The following PODXL2 variants were observed in gnomAD, a reference collection of about 807,000 sequenced individuals.
PODXL2 encodes podocalyxin-like protein 2.
In PODXL2, 17 loss-of-function variants were observed where a neutral mutation model predicts 53.4. The observed-to-expected ratio is 0.32, with a 90% confidence interval of 0.22 to 0.48. The LOEUF is 0.48. Ranked by LOEUF, PODXL2 falls within the 20% of genes least tolerant of loss-of-function variation. PODXL2 has a pLI of 0.99. For missense variants in PODXL2, 673 were observed against 760.0 expected, an observed-to-expected ratio of 0.89 and a Z score of 1.35; for synonymous variants, 311 against 306.7, an observed-to-expected ratio of 1.01 and a Z score of -0.15.
chr3:127,639,153 G>A, intron 1 of PODXL2, 92 bp from the exon 2 acceptor site: 1 of 1,309,798 alleles, frequency 7.6e-7, no homozygotes, highest in South Asian at 1.5e-5. Flanking sequence ...CCCTTCCCCA[G>A]GACCTTTGTC....
At position 127,646,387 on chromosome 3, in the gene PODXL2, A is replaced by AT. The variant is rs538645425; in HGVS notation, c.349+6880dup. ...GGTACTTATCACCATTTTTCCATAGATTTTTTTTTTTTTTTTAGATGAAGT... is the reference window on the plus strand; with the variant it reads ...GGTACTTATCACCATTTTTCCATAGATTTTTTTTTTTTTTTTTAGATGAAGT... On this transcript the variant is annotated intron_variant, in intron 2 of 7. Transcript: ENST00000342480. Among the ~76,000 whole-genome samples the AT allele has an allele frequency of 8.5e-3, 1,199 of 141,816 alleles. 13 individuals are homozygous for AT. Among genetic ancestry groups the AT allele is most frequent in the African/African-American group, 0.022 (861 of 38,658 alleles). The allele number at this position is 141,816 out of a possible 152,430, so 93.0% of individuals were successfully genotyped here.
chr3:127,671,459 C>G lies in PODXL2; in HGVS notation c.1451C>G (p.Thr484Ser). The G allele has an allele frequency of 6.2e-7, 1 of 1,614,106 alleles. No individual in the cohort carries two copies. The highest frequency in any genetic ancestry group is 8.5e-7 in the Non-Finnish European group (1 of 1,179,978). The change falls in exon 7 of 8, where the codon ACC (threonine) becomes AGC (serine). Residue 484 changes from threonine to serine, a missense_variant. By Grantham distance (58) the Thr-to-Ser change is moderately conservative. Coordinates refer to ENST00000342480, the MANE Select transcript of PODXL2 (RefSeq NM_015720.4). ...EEIGIQNYST[T>S]SSCQARASQV... Reference sequence around the variant, plus strand: ...ATTGGCATCCAGAACTATTCCACAACCAGCAGCTGCCAGGCGCGGGCCAGC... The same window carrying G: ...ATTGGCATCCAGAACTATTCCACAAGCAGCAGCTGCCAGGCGCGGGCCAGC...
intron 4 of PODXL2, among the ~76,000 whole-genome samples, chr3:127,664,694 G>A (rs1482820940): frequency 6.6e-6 from 1 of 151,884 alleles, no homozygotes; most frequent in African/African-American, 2.4e-5. Context: ...TGGCCATCCT[G>A]AGAGAAGTGA....
intron 2 of PODXL2, among the ~76,000 whole-genome samples, chr3:127,656,734 CAAA>C (rs71150487): frequency 3.6e-4 from 10 of 28,082 alleles, no homozygotes; most frequent in African/African-American, 9.5e-4. Flanking sequence ...GACTCCATCT[CAAA>C]AAAAAAAAAA....
At chr3:127,671,874 A>G (rs2074845444) in intron 7 of PODXL2, among the ~76,000 whole-genome samples, 1 of 152,182 alleles carries the variant, frequency 6.6e-6, no homozygotes, top group Non-Finnish European at 1.5e-5. Flanking sequence ...CGGCGCAGGC[A>G]CTGCAGGGCC....
Position 127,631,042 on chromosome 3 carries a change from C to A in PODXL2, c.70+1753C>A, listed in dbSNP as rs114908623. Reference sequence around the variant, plus strand: ...GCTCTTCATGACGCACTTCTTACCCCCTGCTTGGAGGGCATGTGCGTGTGT... The same window carrying A: ...GCTCTTCATGACGCACTTCTTACCCACTGCTTGGAGGGCATGTGCGTGTGT... On this transcript the variant is annotated intron_variant, in intron 1 of 7. Coordinates refer to ENST00000342480, the MANE Select transcript of PODXL2 (RefSeq NM_015720.4). 5.0e-3 allele frequency among the ~76,000 whole-genome samples: 759 copies of A among 152,322 alleles called. 6 individuals are homozygous for A. Among genetic ancestry groups the A allele is most frequent in the African/African-American group, 0.017 (719 of 41,572 alleles).
intron 2 of PODXL2, among the ~76,000 whole-genome samples, chr3:127,655,646 C>G (rs1167946801): frequency 6.6e-6 from 1 of 152,124 alleles, no homozygotes; most frequent in East Asian, 1.9e-4. Flanking sequence ...AAACTGAGAC[C>G]ACACTGTAAA....
chr3:127,644,982 G>A (rs1440560642), intron 2 of PODXL2, among the ~76,000 whole-genome samples: 4 of 152,212 alleles, frequency 2.6e-5, no homozygotes, highest in Admixed American at 6.5e-5. Flanking sequence ...TGTACTACCT[G>A]ACCATGATCC....
rs926413442 is a variant in PODXL2 at position 127,629,235 on chromosome 3, C to G, written c.16C>G (p.Arg6Gly). The G allele has an allele frequency of 1.0e-6, 1 of 999,414 alleles. No homozygotes were observed. The highest frequency in any genetic ancestry group is 1.2e-6 in the Non-Finnish European group (1 of 839,702). The allele number at this position is 999,414 out of a possible 1,614,324, so 61.9% of individuals were successfully genotyped here. A position where few individuals can be genotyped will look rare whatever the true frequency, so the allele number is the denominator to read the frequency against. MGRLL[R>G]AARLPPLLSP... ...CGGCTACACCATGGGCCGGCTGCTGCGGGCCGCCCGGCTGCCGCCGCTGCT... is the reference window on the plus strand; with the variant it reads ...CGGCTACACCATGGGCCGGCTGCTGGGGGCCGCCCGGCTGCCGCCGCTGCT... The change falls in exon 1 of 8, where the codon CGG becomes GGG. Residue 6 changes from arginine to glycine, a missense_variant. Physicochemically the swap from Arg to Gly is moderately radical, Grantham distance 125 (BLOSUM62 -2). Around this residue, in one of 3 missense-constraint regions of PODXL2, gnomAD observed 588 missense variants for 668.3 expected, o/e 0.88. Coordinates refer to ENST00000342480, the MANE Select transcript of PODXL2 (RefSeq NM_015720.4). This position sits in a 1 kb window ranked among gnomAD's most constrained non-coding sequence, Gnocchi z 6.4.
intron 2 of PODXL2, among the ~76,000 whole-genome samples, chr3:127,659,272 T>A (rs1047174376): frequency 2.6e-5 from 4 of 152,236 alleles, no homozygotes; most frequent in Admixed American, 6.5e-5. Flanking sequence ...CCTCCCCTGC[T>A]ATTTTTTCCT....
At chr3:127,653,485 A>G (rs1379426556) in intron 2 of PODXL2, among the ~76,000 whole-genome samples, 1 of 152,142 alleles carries the variant, frequency 6.6e-6, no homozygotes, top group African/African-American at 2.4e-5. Flanking sequence ...TCTCTACTAA[A>G]AATACAAAAA....
chr3:127,658,406 CTTT>C (rs60979669), intron 2 of PODXL2, among the ~76,000 whole-genome samples: 892 of 87,368 alleles, frequency 0.01, 9 homozygotes, highest in African/African-American at 0.034. Context: ...TTTCCCATGT[CTTT>C]TTTTTTTTTT....
At position 127,669,197 on chromosome 3, in the gene PODXL2, G is replaced by A. The variant is rs1298491145; in HGVS notation, c.1420G>A (p.Glu474Lys). ...GCTGGGTGACATCCGCAGGAGCCTG[G>A]AGGAGGTAAGAGTGCAGGGACCTGG... ...SMLGDIRRSL[E>K]EIGIQNYSTT... Residue 474 changes from glutamate to lysine, a missense_variant, in exon 6 of 8, where the codon GAG becomes AAG. By Grantham distance (56) the Glu-to-Lys change is moderately conservative. Around this residue, in one of 3 missense-constraint regions of PODXL2, gnomAD observed 588 missense variants for 668.3 expected, o/e 0.88. Transcript: ENST00000342480. The A allele has an allele frequency of 2.5e-6, 4 of 1,604,358 alleles. No individual in the cohort carries two copies. Among genetic ancestry groups the A allele is most frequent in the Non-Finnish European group, 2.6e-6 (3 of 1,174,994 alleles).
chr3:127,658,127 C>A lies in PODXL2; in HGVS notation c.350-2251C>A, dbSNP rs556952059. Among the ~76,000 whole-genome samples, 4 of 152,272 alleles carry A rather than the reference C, an allele frequency of 2.6e-5. No individual in the cohort carries two copies. In the East Asian group the frequency reaches 7.7e-4, roughly 29 times the overall value. On this transcript the variant is annotated intron_variant, in intron 2 of 7. Coordinates refer to ENST00000342480, the MANE Select transcript of PODXL2 (RefSeq NM_015720.4). ...GCAGTAGGTGGAAGAGGGGGAGGAT[C>A]TGCTACTCAAAAAGTCTAATTAACA... is the stretch of plus-strand genomic sequence containing the variant.
intron 2 of PODXL2, among the ~76,000 whole-genome samples, chr3:127,649,261 C>T (rs981486409): frequency 1.9e-4 from 29 of 152,236 alleles, no homozygotes; most frequent in Non-Finnish European, 5.9e-5. Flanking sequence ...CCATGGTCTC[C>T]CAGTATAAGG....
At chr3:127,644,964 C>G (rs1660158289) in intron 2 of PODXL2, among the ~76,000 whole-genome samples, 3 of 152,230 alleles carry the variant, frequency 2.0e-5, no homozygotes, top group Admixed American at 2.0e-4. Flanking sequence ...TCAGGTCAAT[C>G]TCTTCTCTGT....
chr3:127,655,359 T>C (rs944356391), intron 2 of PODXL2, among the ~76,000 whole-genome samples: 1 of 150,632 alleles, frequency 6.6e-6, no homozygotes. Context: ...TGAGCCGAGA[T>C]CACACCACTA....
chr3:127,644,516 C>T (rs1277230330), intron 2 of PODXL2, among the ~76,000 whole-genome samples: 2 of 152,058 alleles, frequency 1.3e-5, no homozygotes, highest in Non-Finnish European at 2.9e-5. Context: ...TAAGCAGTCA[C>T]GCAGAGAGCA....
intron 4 of PODXL2, chr3:127,666,008 C>T (rs912819325): frequency 1.4e-5 from 6 of 436,152 alleles, no homozygotes; most frequent in Admixed American, 7.7e-5. Context: ...AAGAACTGAG[C>T]AATATGGATC....
Sources: gnomAD v4.1 joint callset for allele counts (sites outside exome capture counted in the v4.1 genomes callset) on GRCh38, gnomAD v4.1.1 for gene constraint, gnomAD v4.1.1 regional missense constraint, Gnocchi (gnomAD v3.1) non-coding constraint, MANE v1.5 for transcripts, NCBI Gene and HGNC (gene_info 2026-07-23, HGNC 2026-07-21) for gene names.